The following XRN1 variants were observed in gnomAD, a reference collection of about 807,000 sequenced individuals.
The protein encoded by XRN1 is strand-exchange protein 1 homolog.
Under a neutral mutation model 222.3 loss-of-function variants are expected in XRN1, and 67 were observed. The ratio of observed to expected loss-of-function variants is 0.30; its 90% confidence interval spans 0.25 to 0.37. The LOEUF (loss-of-function observed/expected upper bound fraction) is 0.37, where lower values mean the gene tolerates loss of function less well. Among genes scored for constraint, XRN1 ranks in the 10% least tolerant of loss-of-function variants. The pLI, the probability that XRN1 is intolerant of heterozygous loss-of-function variation, is 1.00. For synonymous variants in XRN1, 643 were observed against 652.4 expected (o/e 0.99, Z 0.22); for missense variants, 1,707 against 2,000.2 (o/e 0.85, Z 2.80).
chr3:142,340,081 C>T (rs1437246145), intron 33 of XRN1, among the ~76,000 whole-genome samples: 5 of 149,408 alleles, frequency 3.3e-5, no homozygotes, highest in East Asian at 2.0e-4. Context: ...ATAGGCTGGG[C>T]GCAGTGGCTC....
chr3:142,378,978 T>G (rs190537692), intron 23 of XRN1, among the ~76,000 whole-genome samples: 1 of 151,976 alleles, frequency 6.6e-6, no homozygotes, highest in South Asian at 2.1e-4. Context: ...GTTTCAAAAT[T>G]CTGAGGGAAG....
chr3:142,443,403 A>C (rs1320782384), intron 1 of XRN1, among the ~76,000 whole-genome samples: 1 of 152,130 alleles, frequency 6.6e-6, no homozygotes, highest in Non-Finnish European at 1.5e-5. Flanking sequence ...GACCGCATCC[A>C]CCTTTAAACA....
At chr3:142,428,253 G>C (rs1246637220) in intron 2 of XRN1, among the ~76,000 whole-genome samples, 2 of 151,912 alleles carry the variant, frequency 1.3e-5, no homozygotes, top group African/African-American at 2.4e-5. Context: ...AGAATTAGCC[G>C]GGTGTGGTGG....
chr3:142,315,846 A>T (rs989260520), intron 39 of XRN1, among the ~76,000 whole-genome samples: 1 of 152,122 alleles, frequency 6.6e-6, no homozygotes. Flanking sequence ...AACAGCAGAC[A>T]TCTGTTCTAC....
intron 3 of XRN1, 161 bp downstream of exon 3, chr3:142,426,583 A>C (rs1185882466): frequency 3.2e-6 from 2 of 628,220 alleles, no homozygotes; most frequent in Non-Finnish European, 5.4e-6. Context: ...ATTTATGACC[A>C]AGGTGACCAA....
At chr3:142,397,993 G>C (rs1465936842) in intron 19 of XRN1, among the ~76,000 whole-genome samples, 1 of 152,118 alleles carries the variant, frequency 6.6e-6, no homozygotes, top group Non-Finnish European at 1.5e-5. Flanking sequence ...TGTAATCATA[G>C]CATTTTGGGA....
chr3:142,379,652 T>C (rs2067244228), intron 23 of XRN1, among the ~76,000 whole-genome samples: 1 of 152,218 alleles, frequency 6.6e-6, no homozygotes, highest in African/African-American at 2.4e-5. Flanking sequence ...AATGCATTTT[T>C]CCAATATTCT....
intron 2 of XRN1, among the ~76,000 whole-genome samples, chr3:142,431,876 T>C (rs368206166): frequency 6.5e-4 from 14 of 21,430 alleles, no homozygotes; most frequent in African/African-American, 6.1e-3. Flanking sequence ...TATATTATAT[T>C]ATATATATTA....
Position 142,423,545 on chromosome 3 carries a change from T to C in XRN1, c.710+15A>G, listed in dbSNP as rs775978116. ...CGTAATTTCTTTCTTCCAACATATA[T>C]GCTATATAATTTACCGTTGTGTTTT... On this transcript the variant is annotated intron_variant, in intron 6 of 40. Transcript: ENST00000392981. 1.1e-5 allele frequency: 17 copies of C among 1,578,394 alleles called. No homozygotes were observed. The South Asian group carries it at 1.2e-4, about 11-fold the overall frequency.
At chr3:142,406,115 A>C (rs561364356) in intron 15 of XRN1, among the ~76,000 whole-genome samples, 27 of 152,264 alleles carry the variant, frequency 1.8e-4, no homozygotes, top group African/African-American at 6.0e-4. Flanking sequence ...CAAAAGAGAA[A>C]ATGGAAAAGG....
chr3:142,403,831 A>G lies in XRN1; in HGVS notation c.2004+38T>C, dbSNP rs1175669091. ...CTTTCTCCATAATCACTTCACACTT[A>G]ATAAAGTGAAAAAATTCTGAACTAA... On this transcript the variant is annotated intron_variant, in intron 17 of 40. Coordinates refer to ENST00000392981, the MANE Select transcript of XRN1 (RefSeq NM_001282857.2). 3.1e-6 allele frequency: 5 copies of G among 1,611,312 alleles called. No homozygotes were observed. In the South Asian group the frequency reaches 3.3e-5, roughly 11 times the overall value.
chr3:142,373,217 C>T (rs1329457470), intron 25 of XRN1, among the ~76,000 whole-genome samples: 2 of 151,962 alleles, frequency 1.3e-5, no homozygotes, highest in African/African-American at 2.4e-5. Context: ...AGAATAAGGA[C>T]ACACTTTTAG....
chr3:142,399,878 A>T (rs1294506906), intron 19 of XRN1, among the ~76,000 whole-genome samples: 3 of 151,932 alleles, frequency 2.0e-5, no homozygotes, highest in African/African-American at 7.2e-5. Flanking sequence ...TCTCTGAAAA[A>T]AAATTATTTC....
At chr3:142,339,166 G>T (rs2065921067) in intron 33 of XRN1, among the ~76,000 whole-genome samples, 1 of 152,176 alleles carries the variant, frequency 6.6e-6, no homozygotes, top group Admixed American at 6.5e-5. Context: ...CTGACCTAGT[G>T]CAGTCCCAGT....
chr3:142,411,982 C>G (rs1243016809), intron 15 of XRN1, among the ~76,000 whole-genome samples: 3 of 151,976 alleles, frequency 2.0e-5, no homozygotes, highest in Non-Finnish European at 2.9e-5. Flanking sequence ...GCCACCTTGC[C>G]CGGCTAATTT....
intron 34 of XRN1, among the ~76,000 whole-genome samples, chr3:142,334,801 CA>C (rs57048667): frequency 2.1e-4 from 31 of 144,788 alleles, no homozygotes; most frequent in African/African-American, 6.4e-4. Flanking sequence ...CACACACACA[CA>C]AAAGACCATA....
At chr3:142,443,078 A>G (rs2070313138) in intron 1 of XRN1, among the ~76,000 whole-genome samples, 1 of 152,162 alleles carries the variant, frequency 6.6e-6, no homozygotes, top group Admixed American at 6.5e-5. Flanking sequence ...TCTCTTCCAG[A>G]ATCGAAGCTG....
intron 1 of XRN1, among the ~76,000 whole-genome samples, chr3:142,434,368 C>T (rs2069773716): frequency 6.6e-6 from 1 of 152,008 alleles, no homozygotes; most frequent in Non-Finnish European, 1.5e-5. Context: ...AAAATACCAG[C>T]CATGTTGCCC....
At chr3:142,354,214 T>G (rs1156995303) in intron 32 of XRN1, among the ~76,000 whole-genome samples, 1 of 151,688 alleles carries the variant, frequency 6.6e-6, no homozygotes, top group Non-Finnish European at 1.5e-5. Context: ...ATCAGAGAAA[T>G]GCAAATCAAA....
Sources: gnomAD v4.1 joint callset for allele counts (sites outside exome capture counted in the v4.1 genomes callset) on GRCh38, gnomAD v4.1.1 for gene constraint, MANE v1.5 for transcripts, NCBI Gene and HGNC (gene_info 2026-07-23, HGNC 2026-07-21) for gene names.